The following PLS1 variants were observed in gnomAD, a reference collection of about 807,000 sequenced individuals.
The protein encoded by PLS1 is plastin 1.
A neutral mutation model predicts 73.7 loss-of-function variants in PLS1; 32 were observed. The ratio of observed to expected loss-of-function variants is 0.43; its 90% CI spans 0.33 to 0.58. PLS1 has a LOEUF of 0.58. PLS1 is among the 20% of genes least tolerant of loss of function. The probability of loss-of-function intolerance (pLI) is 0.04; values close to 1 mark genes in which losing one functional copy is unlikely to be tolerated. For synonymous variants in PLS1, 217 were observed against 261.3 expected (o/e 0.83, Z 1.63); for missense variants, 633 against 740.5 (o/e 0.85, Z 1.68).
chr3:142,600,118 AAACC>A (rs773183500), intron 1 of PLS1, among the ~76,000 whole-genome samples: 1 of 152,172 alleles, frequency 6.6e-6, no homozygotes. Flanking sequence ...AAGCCCTCAG[AAACC>A]AATCTAAGGG....
chr3:142,666,456 ATGT>A (rs2037482243), intron 2 of PLS1, among the ~76,000 whole-genome samples: 1 of 152,182 alleles, frequency 6.6e-6, no homozygotes, highest in Non-Finnish European at 1.5e-5. Context: ...AGCTTCATCC[ATGT>A]TGTAGCCTGT....
At position 142,600,901 on chromosome 3, in the gene PLS1, TA is replaced by T. The variant is rs1560024428; in HGVS notation, c.-37+4393del. On this transcript the variant is annotated intron_variant, in intron 1 of 15. Transcript: ENST00000457734. Reference sequence around the variant, plus strand: ...TCATATATATATATATATATATATATATATATATATATATATTTTTTTTTTT... The same window carrying T: ...TCATATATATATATATATATATATATTATATATATATATATTTTTTTTTTT... Among the ~76,000 whole-genome samples, 106 of 31,900 alleles carry T rather than the reference TA, an allele frequency of 3.3e-3. 2 individuals are homozygous for T. The highest frequency in any genetic ancestry group is 0.019 in the African/African-American group (92 of 4,948). The allele number at this position is 31,900 out of a possible 152,430, so 20.9% of individuals were successfully genotyped here.
chr3:142,688,388 G>A (rs896855220), intron 9 of PLS1, among the ~76,000 whole-genome samples: 1 of 152,200 alleles, frequency 6.6e-6, no homozygotes, highest in Admixed American at 6.5e-5. Context: ...CTTTGGTCAT[G>A]ATATACTCAT....
At chr3:142,638,738 A>G (rs990445459) in intron 1 of PLS1, among the ~76,000 whole-genome samples, 72 of 150,742 alleles carry the variant, frequency 4.8e-4, no homozygotes, top group Non-Finnish European at 8.3e-4. Context: ...ATTTTATTTT[A>G]TTTTATTTTA....
chr3:142,667,737 G>A (rs2037510157), intron 2 of PLS1, among the ~76,000 whole-genome samples: 1 of 151,996 alleles, frequency 6.6e-6, no homozygotes, highest in African/African-American at 2.4e-5. Flanking sequence ...CCTCAGTCTT[G>A]TTTATTTTAA....
rs768596447 is a variant in PLS1, at chr3:142,694,462, A to G, written c.1178-7A>G. The G allele has an allele frequency of 6.3e-7, 1 of 1,576,968 alleles. No individual in the cohort carries two copies. The highest frequency in any genetic ancestry group is 1.7e-5 in the Admixed American group (1 of 59,738). On this transcript the variant is annotated splice_region_variant and splice_polypyrimidine_tract_variant and intron_variant, in intron 10 of 15. Coordinates refer to ENST00000457734, the MANE Select transcript of PLS1 (RefSeq NM_001145319.2). ...GAGTCATCAGTGTGAGCTTGTGTCT[A>G]CTCTAGGAGAGAGCAAGGAAGAGAG...
At chr3:142,654,436 C>G (rs895667554) in intron 1 of PLS1, among the ~76,000 whole-genome samples, 10 of 152,184 alleles carry the variant, frequency 6.6e-5, no homozygotes, top group African/African-American at 2.4e-4. Flanking sequence ...GCCTCAAACT[C>G]CTAGGCTCAA....
chr3:142,655,948 A>G (rs577202134), intron 1 of PLS1, among the ~76,000 whole-genome samples: 6 of 152,166 alleles, frequency 3.9e-5, no homozygotes, highest in African/African-American at 9.6e-5. Flanking sequence ...GCTGTTGGCA[A>G]TCAAATTAAT....
At chr3:142,678,345 A>C (rs1169133405) in intron 6 of PLS1, among the ~76,000 whole-genome samples, 2 of 150,586 alleles carry the variant, frequency 1.3e-5, no homozygotes, top group African/African-American at 4.9e-5. Context: ...ATATGTATAC[A>C]TGTGCCATGC....
rs1294037276 is a variant in PLS1 at position 142,669,494 on chromosome 3, A to G, written c.175A>G (p.Ile59Val). 3 of 1,613,778 alleles carry G rather than the reference A, an allele frequency of 1.9e-6. No individual in the cohort carries two copies. Among genetic ancestry groups the G allele is most frequent in the Admixed American group, 1.7e-5 (1 of 60,000 alleles). The part of the protein sequence containing the change: ...GYKVREIVEK[I>V]LSVADSNKDG... ...CAAGGTGCGCGAGATTGTGGAGAAA[A>G]TTCTATCAGTTGCTGACAGCAACAA... The change falls in exon 3 of 16, where the codon ATT becomes GTT. Residue 59 changes from isoleucine (I) to valine (V), a missense_variant. Physicochemically the swap from Ile to Val is conservative, Grantham distance 29 (BLOSUM62 3). Transcript: ENST00000457734.
At chr3:142,618,716 C>T (rs1285388125) in intron 1 of PLS1, among the ~76,000 whole-genome samples, 1 of 152,154 alleles carries the variant, frequency 6.6e-6, no homozygotes, top group Admixed American at 6.5e-5. Context: ...GGTAAAGCCC[C>T]TCTCATACTT....
At chr3:142,707,486 C>A (rs750590222) in intron 14 of PLS1, among the ~76,000 whole-genome samples, 2 of 152,070 alleles carry the variant, frequency 1.3e-5, no homozygotes, top group Non-Finnish European at 2.9e-5. Context: ...ATACTCTGAG[C>A]AAAAAGGTGA....
At chr3:142,670,893 A>T in intron 3 of PLS1, 100 bp from the exon 4 acceptor site, 2 of 756,052 alleles carry the variant, frequency 2.6e-6, no homozygotes, top group Non-Finnish European at 2.1e-6. Flanking sequence ...ACTAGTATTT[A>T]ATTTGGTGTC....
intron 1 of PLS1, among the ~76,000 whole-genome samples, chr3:142,620,041 G>A (rs990731046): frequency 6.6e-6 from 1 of 152,058 alleles, no homozygotes; most frequent in Non-Finnish European, 1.5e-5. Flanking sequence ...TGGCTGCCCA[G>A]AAACTCTCTG....
At chr3:142,696,720 A>AAATAATAAT (rs370809568) in intron 11 of PLS1, among the ~76,000 whole-genome samples, 7,775 of 136,764 alleles carry the variant, frequency 0.057, 250 homozygotes, top group African/African-American at 0.075. Flanking sequence ...TCTATTTGCA[A>AAATAATAAT]AATAATAATA....
At chr3:142,699,799 T>TAAAGGTTTTTTA (rs1217572936) in intron 12 of PLS1, among the ~76,000 whole-genome samples, 1 of 152,192 alleles carries the variant, frequency 6.6e-6, no homozygotes, top group Non-Finnish European at 1.5e-5. Context: ...AAAAGACTTT[T>TAAAGGTTTTTTA]AAAGGGAAAT....
intron 1 of PLS1, among the ~76,000 whole-genome samples, chr3:142,600,307 G>C (rs1344373963): frequency 1.3e-5 from 2 of 152,182 alleles, no homozygotes; most frequent in South Asian, 2.1e-4. Flanking sequence ...TAGCTTGTCA[G>C]AGGCAGACAC....
At chr3:142,710,391 T>G (rs879835353) in intron 14 of PLS1, among the ~76,000 whole-genome samples, 16 of 152,288 alleles carry the variant, frequency 1.1e-4, no homozygotes, top group Non-Finnish European at 2.1e-4. Context: ...AGACCAGTGT[T>G]TTGAAATCTT....
intron 1 of PLS1, among the ~76,000 whole-genome samples, chr3:142,607,519 C>T (rs1163333589): frequency 2.0e-5 from 3 of 152,218 alleles, no homozygotes; most frequent in African/African-American, 4.8e-5. Flanking sequence ...CATGATCCAC[C>T]CGCCTCGGCC....
Sources: allele counts gnomAD v4.1 joint callset (sites outside exome capture counted in the v4.1 genomes callset), GRCh38; gene constraint gnomAD v4.1.1; transcripts MANE v1.5; gene names NCBI Gene and HGNC (gene_info 2026-07-23, HGNC 2026-07-21).